The following PMPCB variants were observed in gnomAD, a reference collection of about 807,000 sequenced individuals.
The protein encoded by PMPCB is peptidase, mitochondrial processing subunit beta.
In PMPCB, 46 loss-of-function variants were observed where a neutral mutation model predicts 61.5. The ratio of observed to expected loss-of-function variants is 0.75; its 90% confidence interval spans 0.59 to 0.96. The LOEUF is 0.96. Among genes scored for constraint, PMPCB ranks in the 40% least tolerant of loss-of-function variants. The pLI is 0.00. For synonymous variants in PMPCB, 191 were observed against 201.6 expected (o/e 0.95, Z 0.44); for missense variants, 590 against 602.4 (o/e 0.98, Z 0.22).
At chr7:103,303,813 A>G (rs754945371) in intron 4 of PMPCB, 29 bp from the exon 5 acceptor site, 25 of 1,501,890 alleles carry the variant, frequency 1.7e-5, no homozygotes, top group Non-Finnish European at 2.3e-5. Context: ...GATTGCTGGC[A>G]CGTTTTCTTA....
chr7:103,337,176 G>A, the PMPCB span: 1 of 152,540 alleles, frequency 6.6e-6, no homozygotes, highest in Non-Finnish European at 1.5e-5. Flanking sequence ...GGATTGCAAA[G>A]CATAGGACAT....
At chr7:103,329,097 G>A in exon 13 of PMPCB, 3 of 727,466 alleles carry the variant, frequency 4.1e-6, no homozygotes, top group Non-Finnish European at 1.9e-6. Flanking sequence ...CAATTTTTTT[G>A]TTTTTCATCC....
chr7:103,318,762 T>C (rs1818215303), downstream of PMPCB, among the ~76,000 whole-genome samples: 1 of 152,242 alleles, frequency 6.6e-6, no homozygotes, highest in African/African-American at 2.4e-5. Flanking sequence ...TAACTGTTAT[T>C]ACCCTATGAA....
intron 12 of PMPCB, among the ~76,000 whole-genome samples, chr7:103,320,105 C>G (rs962491275): frequency 2.0e-5 from 3 of 151,886 alleles, no homozygotes; most frequent in Admixed American, 1.3e-4. Flanking sequence ...TTTTTCTTTT[C>G]TTTGAGACGG....
Position 103,307,626 on chromosome 7 carries a change from CAA to C in PMPCB, c.769_770del (p.Lys257ValfsTer5). The C allele has an allele frequency of 1.2e-6, 2 of 1,612,440 alleles. No homozygotes were observed. The highest frequency in any genetic ancestry group is 1.7e-6 in the Non-Finnish European group (2 of 1,178,462). On this transcript the variant is annotated frameshift_variant, in exon 7 of 13. Coordinates refer to ENST00000249269, the MANE Select transcript of PMPCB (RefSeq NM_004279.3). LOFTEE classifies it high-confidence loss of function. ...TCCCATGATGAATTGCTTGACTTAG[CAA>C]AGTTTCATTTCGGTGACTCTTTATG...
rs1021641501 is a variant in PMPCB at position 103,313,265 on chromosome 7, AAG to A, written c.*998_*999del. ...TACATATAGCCCTCTGAGTGTTAAT[AAG>A]AGAAAAAATTTCAGATAGCTCACAT... On this transcript the variant is annotated 3_prime_UTR_variant, in exon 13 of 13. Coordinates refer to ENST00000249269, the MANE Select transcript of PMPCB (RefSeq NM_004279.3). 139 of 1,348,908 alleles carry A rather than the reference AAG, an allele frequency of 1.0e-4. No individual in the cohort carries two copies. The highest frequency in any genetic ancestry group is 1.2e-4 in the Non-Finnish European group (129 of 1,054,422). 83.6% of individuals were successfully genotyped at this position (1,348,908 alleles called of 1,614,324 possible).
At chr7:103,344,457 G>T in the PMPCB span, 8 of 1,369,556 alleles carry the variant, frequency 5.8e-6, no homozygotes, top group African/African-American at 1.4e-5. Flanking sequence ...CCCGGGGCTA[G>T]TCGCCAGGGT....
downstream of PMPCB, among the ~76,000 whole-genome samples, chr7:103,331,226 G>T (rs1042377127): frequency 2.6e-5 from 4 of 152,202 alleles, no homozygotes; most frequent in African/African-American, 9.6e-5. Context: ...CCAAAGCGCT[G>T]GGATTACAGG....
the PMPCB span, among the ~76,000 whole-genome samples, chr7:103,339,577 G>A: frequency 6.6e-6 from 1 of 151,392 alleles, no homozygotes; most frequent in Non-Finnish European, 1.5e-5. Context: ...TGAGGACACC[G>A]AAACTTTTAG....
intron 12 of PMPCB, chr7:103,322,566 G>C: frequency 6.3e-7 from 1 of 1,591,496 alleles, no homozygotes; most frequent in Non-Finnish European, 8.6e-7. Flanking sequence ...TTTCTTTTCT[G>C]CTTCTTTCTT....
chr7:103,312,977 C>T lies in PMPCB; in HGVS notation c.*706C>T. The T allele has an allele frequency of 1.9e-6, 3 of 1,613,938 alleles. No homozygotes were observed. Among genetic ancestry groups the T allele is most frequent in the Non-Finnish European group, 2.5e-6 (3 of 1,179,924 alleles). ...ATCGTTTCATGCAGTCCTTCTTTGT[C>T]CTGCCAGGCACCGCTTCTGCTATTT... is the stretch of plus-strand genomic sequence containing the variant. On this transcript the variant is annotated 3_prime_UTR_variant, in exon 13 of 13. Transcript: ENST00000249269.
chr7:103,304,476 T>TTGC lies in PMPCB; in HGVS notation c.731_733dup (p.Ala244dup). 6.2e-7 allele frequency: 1 copy of TTGC among 1,603,118 alleles called. No homozygotes were observed. The highest frequency in any genetic ancestry group is 8.5e-7 in the Non-Finnish European group (1 of 1,169,868). ...CATTATAAGGGGCCAAGAATAGTGC[T>TTGC]TGCTGCTGCTGGAGGTTAGTCAATT... is the stretch of plus-strand genomic sequence containing the variant. On this transcript the variant is annotated inframe_insertion, in exon 6 of 13. Transcript: ENST00000249269.
intron 4 of PMPCB, among the ~76,000 whole-genome samples, chr7:103,302,108 T>C (rs976436721): frequency 1.3e-5 from 2 of 152,232 alleles, no homozygotes; most frequent in Non-Finnish European, 2.9e-5. Flanking sequence ...GCTTCATCCA[T>C]GTCCCTACAA....
chr7:103,328,964 A>G, exon 13 of PMPCB: 1 of 1,267,096 alleles, frequency 7.9e-7, no homozygotes, highest in Non-Finnish European at 1.0e-6. Context: ...CATGAATGGA[A>G]ATGGAACAAG....
chr7:103,335,419 A>C, the PMPCB span: 3 of 152,220 alleles, frequency 2.0e-5, no homozygotes, highest in Non-Finnish European at 4.4e-5. Flanking sequence ...ATATTCCACA[A>C]GGGTGGTAGA....
At chr7:103,341,535 A>C in the PMPCB span, among the ~76,000 whole-genome samples, 2 of 152,202 alleles carry the variant, frequency 1.3e-5, no homozygotes, top group Non-Finnish European at 2.9e-5. Context: ...TGTCCTTTTA[A>C]GACCGGTGCA....
Position 103,314,579 on chromosome 7 carries a change from A to G in PMPCB, c.*2308A>G. 1 of 985,338 alleles carries G rather than the reference A, an allele frequency of 1.0e-6. No individual in the cohort carries two copies. The highest frequency in any genetic ancestry group is 1.2e-6 in the Non-Finnish European group (1 of 829,860). The allele number at this position is 985,338 out of a possible 1,614,324, so 61.0% of individuals were successfully genotyped here. On this transcript the variant is annotated 3_prime_UTR_variant, in exon 13 of 13. Transcript: ENST00000249269. ...AATACCTGTTGTATTTTGTGGAGAT[A>G]AAGGTGCAGGAGAATAAACTCCTTT...
At chr7:103,332,693 G>A (rs1334615208), downstream of PMPCB, among the ~76,000 whole-genome samples, 29 of 151,890 alleles carry the variant, frequency 1.9e-4, no homozygotes, top group Admixed American at 1.9e-3. Context: ...GCAGTGGTGT[G>A]ATCACGGCTC....
chr7:103,312,192 C>T lies in PMPCB; in HGVS notation c.1406-15C>T. Reference sequence around the variant, plus strand: ...GGCCAAGTACTTTTAATTAACTCTTCTTTTTAATCCTTAGGTCCCATTAAG... The same window carrying T: ...GGCCAAGTACTTTTAATTAACTCTTTTTTTTAATCCTTAGGTCCCATTAAG... On this transcript the variant is annotated splice_polypyrimidine_tract_variant and intron_variant, in intron 12 of 12. Coordinates refer to ENST00000249269, the MANE Select transcript of PMPCB (RefSeq NM_004279.3). 4 of 1,613,850 alleles carry T rather than the reference C, an allele frequency of 2.5e-6. No individual in the cohort carries two copies. Among genetic ancestry groups the T allele is most frequent in the Non-Finnish European group, 3.4e-6 (4 of 1,179,928 alleles).
Sources: allele counts gnomAD v4.1 joint callset (sites outside exome capture counted in the v4.1 genomes callset), GRCh38; gene constraint gnomAD v4.1.1; transcripts MANE v1.5; gene names NCBI Gene and HGNC (gene_info 2026-07-23, HGNC 2026-07-21).